Variants in FAM240A observed in about 807,000 individuals in gnomAD.
FAM240A encodes family with sequence similarity 240 member A.
Under a neutral mutation model 7.3 loss-of-function variants are expected in FAM240A, and 8 were observed. The ratio of observed to expected loss-of-function variants is 1.09; its 90% CI spans 0.64 to 1.97. The LOEUF is 1.97. Among genes scored for constraint, FAM240A ranks in the 30% most tolerant of loss-of-function variants. The pLI, the probability that FAM240A is intolerant of heterozygous loss-of-function variation, is 0.00. For synonymous variants in FAM240A, 32 were observed against 35.9 expected (o/e 0.89, Z 0.38); for missense variants, 90 against 102.2 (o/e 0.88, Z 0.52).
At chr3:46,617,967 C>T (rs1207560114) in intron 2 of FAM240A, among the ~76,000 whole-genome samples, 2 of 152,220 alleles carry the variant, frequency 1.3e-5, no homozygotes, top group African/African-American at 4.8e-5. Flanking sequence ...GCTCACTGCC[C>T]TCACACACAC....
chr3:46,619,904 T>C (rs995614491), intron 2 of FAM240A, among the ~76,000 whole-genome samples: 2 of 152,178 alleles, frequency 1.3e-5, no homozygotes, highest in Admixed American at 1.3e-4. Context: ...TATATATTGC[T>C]CGTGTATTCT....
intron 1 of FAM240A, 130 bp from the exon 2 acceptor site, chr3:46,617,053 A>G: frequency 1.6e-6 from 1 of 617,704 alleles, no homozygotes; most frequent in Non-Finnish European, 2.7e-6. Context: ...GTCAAATTGG[A>G]GTAAGGTGGA....
chr3:46,616,038 G>T (rs939695216), intron 1 of FAM240A, among the ~76,000 whole-genome samples: 1 of 152,208 alleles, frequency 6.6e-6, no homozygotes, highest in Non-Finnish European at 1.5e-5. Context: ...TTGTGATAAC[G>T]AAATGGACTT....
At chr3:46,617,487 G>A (rs146786375) in intron 2 of FAM240A, among the ~76,000 whole-genome samples, 159 bp downstream of exon 2, 370 of 152,252 alleles carry the variant, frequency 2.4e-3, no homozygotes, top group Non-Finnish European at 3.6e-3. Context: ...TGCACCAGTG[G>A]TACCTTTGTG....
At chr3:46,614,343 C>T (rs1697604598) in intron 1 of FAM240A, among the ~76,000 whole-genome samples, 1 of 152,186 alleles carries the variant, frequency 6.6e-6, no homozygotes, top group Non-Finnish European at 1.5e-5. Flanking sequence ...TACAGTTCTG[C>T]TCATAGTGAG....
chr3:46,615,249 C>T (rs1235375745), intron 1 of FAM240A, among the ~76,000 whole-genome samples: 1 of 152,094 alleles, frequency 6.6e-6, no homozygotes, highest in East Asian at 1.9e-4. Flanking sequence ...GTCAGGCACC[C>T]CTCCAGTGCT....
chr3:46,624,760 T>C (rs1239170250), intron 2 of FAM240A, among the ~76,000 whole-genome samples: 2 of 152,120 alleles, frequency 1.3e-5, no homozygotes, highest in African/African-American at 2.4e-5. Context: ...TCTTTCAGTT[T>C]GCATACGTCT....
chr3:46,614,253 T>G (rs1208218883), intron 1 of FAM240A, among the ~76,000 whole-genome samples: 1 of 152,132 alleles, frequency 6.6e-6, no homozygotes, highest in African/African-American at 2.4e-5. Flanking sequence ...CTTTCTGCCT[T>G]ATCTTTTCCT....
chr3:46,621,768 C>T (rs1489011134), intron 2 of FAM240A, among the ~76,000 whole-genome samples: 1 of 93,248 alleles, frequency 1.1e-5, no homozygotes, highest in African/African-American at 3.3e-5. Context: ...AGAGACCCCG[C>T]CTTCTCAAAA....
chr3:46,615,850 G>GCGCACACACACA (rs137999277), intron 1 of FAM240A, among the ~76,000 whole-genome samples: 151 of 150,336 alleles, frequency 1.0e-3, no homozygotes, highest in African/African-American at 2.9e-3. Context: ...ATGTGTGCAC[G>GCGCACACACACA]CACACACACA....
chr3:46,618,212 G>A (rs1697651969), intron 2 of FAM240A, among the ~76,000 whole-genome samples: 1 of 152,172 alleles, frequency 6.6e-6, no homozygotes, highest in African/African-American at 2.4e-5. Flanking sequence ...AGCCTCTCCT[G>A]AGCCCTAGAG....
chr3:46,619,532 G>A (rs1056232266), intron 2 of FAM240A, among the ~76,000 whole-genome samples: 1 of 152,152 alleles, frequency 6.6e-6, no homozygotes. Flanking sequence ...TTTTGGAACT[G>A]GTCAGGGAGG....
At chr3:46,614,035 C>T (rs1217029695) in intron 1 of FAM240A, among the ~76,000 whole-genome samples, 1 of 152,160 alleles carries the variant, frequency 6.6e-6, no homozygotes, top group African/African-American at 2.4e-5. Context: ...CTTTCTACCT[C>T]AGCCTCCTGA....
intron 2 of FAM240A, among the ~76,000 whole-genome samples, chr3:46,618,910 CACACACACAT>C (rs1559438883): frequency 4.0e-4 from 60 of 149,174 alleles, no homozygotes; most frequent in Admixed American, 2.7e-3. Flanking sequence ...CACACACACA[CACACACACAT>C]ATGCAGTATC....
chr3:46,614,526 G>A (rs537401363), intron 1 of FAM240A, among the ~76,000 whole-genome samples: 7 of 152,308 alleles, frequency 4.6e-5, no homozygotes, highest in African/African-American at 1.7e-4. Flanking sequence ...AGGTAGAGAT[G>A]GATGTCACTC....
At chr3:46,616,214 C>A (rs1314278680) in intron 1 of FAM240A, among the ~76,000 whole-genome samples, 1 of 152,244 alleles carries the variant, frequency 6.6e-6, no homozygotes, top group Non-Finnish European at 1.5e-5. Flanking sequence ...AGCACTGAGG[C>A]CACCATTGTC....
In FAM240A at chr3:46,612,678, C is replaced by A. The variant is rs531429782; in HGVS notation, c.-6C>A. 36 of 1,535,616 alleles carry A rather than the reference C, an allele frequency of 2.3e-5. No homozygotes were observed. In the Admixed American group the frequency reaches 6.7e-4, roughly 28 times the overall value. On this transcript the variant is annotated 5_prime_UTR_variant, in exon 1 of 3. Transcript: ENST00000640551. ...TTCGACTGAATCGATGTCTTCACAT[C>A]CCTTCATGCGGTTGTTCTCTGTAAG...
chr3:46,615,712 T>C (rs73077560), intron 1 of FAM240A, among the ~76,000 whole-genome samples: 1,580 of 152,324 alleles, frequency 0.01, 17 homozygotes, highest in Non-Finnish European at 0.014. Context: ...CAGGAACATC[T>C]GCAGCCCCTG....
intron 1 of FAM240A, among the ~76,000 whole-genome samples, chr3:46,613,475 C>T (rs925877821): frequency 1.4e-5 from 2 of 147,896 alleles, no homozygotes; most frequent in African/African-American, 5.0e-5. Flanking sequence ...GCCTGGGTGA[C>T]AGAGTGAAAC....
Sources: allele counts gnomAD v4.1 joint callset (sites outside exome capture counted in the v4.1 genomes callset), GRCh38; gene constraint gnomAD v4.1.1; transcripts MANE v1.5; gene names NCBI Gene and HGNC (gene_info 2026-07-23, HGNC 2026-07-21).